The following QTMAN variants were observed in gnomAD, a reference collection of about 807,000 sequenced individuals.
QTMAN encodes the protein queuosine-tRNA mannosyltransferase.
chr2:144,299,393 G>A, the QTMAN span, among the ~76,000 whole-genome samples: 2 of 152,126 alleles, frequency 1.3e-5, no homozygotes, highest in African/African-American at 2.4e-5. Flanking sequence ...GGATATAGAA[G>A]CATGTGTTGA....
At chr2:144,209,693 T>G in the QTMAN span, among the ~76,000 whole-genome samples, 1 of 152,226 alleles carries the variant, frequency 6.6e-6, no homozygotes, top group Non-Finnish European at 1.5e-5. Flanking sequence ...AAAAGATATC[T>G]ATGAACATAA....
At chr2:144,010,474 G>C in the QTMAN span, among the ~76,000 whole-genome samples, 1 of 152,062 alleles carries the variant, frequency 6.6e-6, no homozygotes. Flanking sequence ...AATAAACCTT[G>C]AATGGAGGTA....
At chr2:143,989,249 T>C in the QTMAN span, among the ~76,000 whole-genome samples, 2 of 151,822 alleles carry the variant, frequency 1.3e-5, no homozygotes, top group Admixed American at 6.5e-5. Context: ...TGTAATATAA[T>C]TTAATATAAT....
At chr2:144,182,136 G>A in the QTMAN span, among the ~76,000 whole-genome samples, 4 of 152,048 alleles carry the variant, frequency 2.6e-5, no homozygotes, top group Admixed American at 6.6e-5. Flanking sequence ...GTAAAAACTG[G>A]CCTTTAACAT....
the QTMAN span, among the ~76,000 whole-genome samples, chr2:144,217,438 G>GAT: frequency 6.6e-6 from 1 of 151,618 alleles, no homozygotes; most frequent in Non-Finnish European, 1.5e-5. Context: ...ATATTTAAAT[G>GAT]ATATATATAT....
At chr2:144,011,737 T>C in the QTMAN span, 1 of 985,134 alleles carries the variant, frequency 1.0e-6, no homozygotes, top group African/African-American at 1.7e-5. Flanking sequence ...TGGCATTAAT[T>C]CAATGACGTG....
At chr2:144,301,309 G>A in the QTMAN span, among the ~76,000 whole-genome samples, 29 of 152,160 alleles carry the variant, frequency 1.9e-4, 1 homozygote, top group South Asian at 8.3e-4. Flanking sequence ...TGCAACCTCC[G>A]CTTCCCAGAT....
At chr2:144,259,538 G>A in the QTMAN span, among the ~76,000 whole-genome samples, 1 of 152,128 alleles carries the variant, frequency 6.6e-6, no homozygotes, top group East Asian at 1.9e-4. Flanking sequence ...CAACCTAACA[G>A]TAATGACTCT....
At chr2:144,249,455 C>G in the QTMAN span, among the ~76,000 whole-genome samples, 4 of 152,190 alleles carry the variant, frequency 2.6e-5, no homozygotes. Context: ...TATTTATCCA[C>G]CCTCACTTTC....
the QTMAN span, among the ~76,000 whole-genome samples, chr2:144,170,192 T>G: frequency 6.6e-6 from 1 of 152,214 alleles, no homozygotes; most frequent in Non-Finnish European, 1.5e-5. Context: ...GTGGTGTTAC[T>G]TTCCAATTAC....
At chr2:144,022,865 T>A in the QTMAN span, among the ~76,000 whole-genome samples, 1 of 152,144 alleles carries the variant, frequency 6.6e-6, no homozygotes, top group African/African-American at 2.4e-5. Flanking sequence ...CCTCTCTTTA[T>A]CAATTCTCTC....
the QTMAN span, among the ~76,000 whole-genome samples, chr2:143,958,779 T>C: frequency 3.4e-5 from 5 of 148,824 alleles, no homozygotes; most frequent in African/African-American, 1.3e-4. Context: ...TATTTCTTTC[T>C]TTCTTTTTTT....
the QTMAN span, among the ~76,000 whole-genome samples, chr2:144,298,870 G>A: frequency 6.6e-6 from 1 of 152,162 alleles, no homozygotes; most frequent in Non-Finnish European, 1.5e-5. Flanking sequence ...TCCTCCAATT[G>A]CAAATATCCT....
the QTMAN span, among the ~76,000 whole-genome samples, chr2:144,042,848 T>C: frequency 3.3e-5 from 5 of 152,102 alleles, no homozygotes; most frequent in South Asian, 1.0e-3. Context: ...CTAGGATTCA[T>C]GACCACAGGT....
chr2:144,138,187 T>C, the QTMAN span, among the ~76,000 whole-genome samples: 2 of 152,154 alleles, frequency 1.3e-5, no homozygotes, highest in East Asian at 3.9e-4. Context: ...AACTGAAGAA[T>C]GTGTCATGGT....
the QTMAN span, among the ~76,000 whole-genome samples, chr2:144,133,151 A>ATATATATATATATATAATATATATAT: frequency 1.9e-5 from 1 of 51,390 alleles, no homozygotes; most frequent in African/African-American, 9.0e-5. Context: ...ATATATATAT[A>ATATATATATATATATAATATATATAT]ATATAATATA....
chr2:144,195,935 A>T, the QTMAN span, among the ~76,000 whole-genome samples: 5 of 152,182 alleles, frequency 3.3e-5, no homozygotes, highest in Admixed American at 6.5e-5. Flanking sequence ...CAATTATAAT[A>T]AAATAGTAAG....
At chr2:144,108,833 T>C in the QTMAN span, among the ~76,000 whole-genome samples, 6 of 151,896 alleles carry the variant, frequency 4.0e-5, no homozygotes, top group African/African-American at 1.5e-4. Flanking sequence ...GAGAATAAAA[T>C]ACCTAGGAAT....
chr2:144,293,694 G>C, the QTMAN span, among the ~76,000 whole-genome samples: 1 of 152,124 alleles, frequency 6.6e-6, no homozygotes. Context: ...TGACCTCTTA[G>C]CGTAATAACT....
Sources: gnomAD v4.1 joint callset for allele counts (sites outside exome capture counted in the v4.1 genomes callset) on GRCh38, gnomAD v4.1.1 for gene constraint, MANE v1.5 for transcripts, NCBI Gene and HGNC (gene_info 2026-07-23, HGNC 2026-07-21) for gene names.